The following ERVV-2 variants were observed in gnomAD, a reference collection of about 807,000 sequenced individuals.
ERVV-2 encodes the protein endogenous retrovirus group V member 2, envelope.
For missense variants in ERVV-2, 291 were observed against 495.1 expected (o/e 0.59, Z 3.91); for synonymous variants, 105 against 184.6 (o/e 0.57, Z 3.49).
At chr19:53,048,576 T>C (rs2083899436) in intron 1 of ERVV-2, among the ~76,000 whole-genome samples, 1 of 142,820 alleles carries the variant, frequency 7.0e-6, no homozygotes, top group Non-Finnish European at 1.5e-5. Context: ...TCGGGAGGCT[T>C]AGGCAGGTGA....
At position 53,050,907 on chromosome 19, in the gene ERVV-2, G is replaced by C; in HGVS notation, c.*48G>C. Reference sequence around the variant, plus strand: ...CTGATGACTTCTTCGCCCCATGTCAGCAGGAAGTAGTTACAGAAGACCCAC... The same window carrying C: ...CTGATGACTTCTTCGCCCCATGTCACCAGGAAGTAGTTACAGAAGACCCAC... On this transcript the variant is annotated 3_prime_UTR_variant, in exon 2 of 2. Coordinates refer to ENST00000601417, the MANE Select transcript of ERVV-2 (RefSeq NM_001191055.2). The C allele has an allele frequency of 6.9e-7, 1 of 1,449,150 alleles. No individual in the cohort carries two copies. The highest frequency in any genetic ancestry group is 9.1e-7 in the Non-Finnish European group (1 of 1,103,738). 89.8% of individuals were successfully genotyped at this position (1,449,150 alleles called of 1,614,324 possible).
intron 1 of ERVV-2, 44 bp from the exon 2 acceptor site, chr19:53,048,823 C>G (rs563522999): frequency 5.0e-4 from 149 of 298,958 alleles, no homozygotes; most frequent in Middle Eastern, 1.2e-3. Context: ...TCTCAACTCC[C>G]TTATGGAAAG....
At position 53,051,573 on chromosome 19, in the gene ERVV-2, T is replaced by C. The variant is rs1408984445; in HGVS notation, c.*714T>C. On this transcript the variant is annotated 3_prime_UTR_variant, in exon 2 of 2. Transcript: ENST00000601417. ...GCCCGCCCTGTTCTGTCTTTCTGGGTGTACTGTTTTGATGACTTTAAAAGC... is the reference window on the plus strand; with the variant it reads ...GCCCGCCCTGTTCTGTCTTTCTGGGCGTACTGTTTTGATGACTTTAAAAGC... 6.6e-6 allele frequency among the ~76,000 whole-genome samples: 1 copy of C among 152,118 alleles called. No individual in the cohort carries two copies. The highest frequency in any genetic ancestry group is 1.5e-5 in the Non-Finnish European group (1 of 68,024).
intron 1 of ERVV-2, among the ~76,000 whole-genome samples, chr19:53,048,378 A>G (rs2145386583): frequency 6.6e-6 from 1 of 151,380 alleles, no homozygotes; most frequent in Middle Eastern, 3.4e-3. Flanking sequence ...TACATCTCAA[A>G]AAAACAAACA....
Position 53,050,166 on chromosome 19 carries a change from G to C in ERVV-2, c.915G>C (p.Gly305=), listed in dbSNP as rs575347898. The C allele has an allele frequency of 4.4e-5, 63 of 1,432,682 alleles. No homozygotes were observed. The African/African-American group carries it at 7.7e-4, about 18-fold the overall frequency. 88.7% of individuals were successfully genotyped at this position (1,432,682 alleles called of 1,614,324 possible). The part of the protein sequence containing the change: ...ECAVGLLGPR[G]IGVTIYNTTQ... ...CTGTGGGACTTTTGGGACCACGGGG[G>C]ATAGGTGTGACCATTTATAACACCA... The change falls in exon 2 of 2, where the codon GGG becomes GGC. Residue 305 remains glycine (G), a synonymous_variant. Coordinates refer to ENST00000601417, the MANE Select transcript of ERVV-2 (RefSeq NM_001191055.2).
intron 1 of ERVV-2, among the ~76,000 whole-genome samples, chr19:53,046,376 C>T (rs1377551675): frequency 2.0e-5 from 3 of 152,188 alleles, no homozygotes; most frequent in Non-Finnish European, 4.4e-5. Flanking sequence ...CTGGCTCTTC[C>T]AGAGGGTCAC....
At position 53,050,268 on chromosome 19, in the gene ERVV-2, G is replaced by A. The variant is rs1428776743; in HGVS notation, c.1017G>A (p.Trp339Ter). 3 of 783,192 alleles carry A rather than the reference G, an allele frequency of 3.8e-6. No individual in the cohort carries two copies. The highest frequency in any genetic ancestry group is 6.5e-6 in the Non-Finnish European group (3 of 462,046). The allele number at this position is 783,192 out of a possible 1,614,324, so 48.5% of individuals were successfully genotyped here. A position where few individuals can be genotyped will look rare whatever the true frequency, so the allele number is the denominator to read the frequency against. ...MGAAIGMIAP[W>*]GGFTYHDVTL... ...CGGCCATAGGAATGATCGCCCCATG[G>A]GGAGGGTTCACTTATCATGATGTCA... The change falls in exon 2 of 2, where the codon TGG becomes TGA. Residue 339 changes from tryptophan (W) to a stop codon, truncating the protein, a stop_gained. Coordinates refer to ENST00000601417, the MANE Select transcript of ERVV-2 (RefSeq NM_001191055.2). LOFTEE classifies it low-confidence loss of function (END_TRUNC).
At position 53,051,136 on chromosome 19, in the gene ERVV-2, C is replaced by CTTTTTTTTTTTTTTTT. The variant is rs57887970; in HGVS notation, c.*290_*305dup. The CTTTTTTTTTTTTTTTT allele has an allele frequency of 5.0e-4, 55 of 110,012 alleles. 3 individuals are homozygous for CTTTTTTTTTTTTTTTT. Among genetic ancestry groups the CTTTTTTTTTTTTTTTT allele is most frequent in the African/African-American group, 2.4e-3 (50 of 21,158 alleles). The allele number at this position is 110,012 out of a possible 1,614,324, so 6.8% of individuals were successfully genotyped here. A position where few individuals can be genotyped will look rare whatever the true frequency, so the allele number is the denominator to read the frequency against. On this transcript the variant is annotated 3_prime_UTR_variant, in exon 2 of 2. Coordinates refer to ENST00000601417, the MANE Select transcript of ERVV-2 (RefSeq NM_001191055.2). ...TAACCCATCCTAGAACAGCCTTTTG[C>CTTTTTTTTTTTTTTTT]TTTTTTTTTTTTTTTTTTTTTTTTT...
rs1243108141 is a variant in ERVV-2 at position 53,051,621 on chromosome 19, G to A, written c.*762G>A. Among the ~76,000 whole-genome samples the A allele has an allele frequency of 3.9e-5, 6 of 152,140 alleles. No individual in the cohort carries two copies. The East Asian group carries it at 5.8e-4, about 15-fold the overall frequency. On this transcript the variant is annotated 3_prime_UTR_variant, in exon 2 of 2. Coordinates refer to ENST00000601417, the MANE Select transcript of ERVV-2 (RefSeq NM_001191055.2). Reference sequence around the variant, plus strand: ...AGCTCCCATAAAAACTAAGGCACTAGCAGCTGGCTCATTCTTCTGATGTCC... The same window carrying A: ...AGCTCCCATAAAAACTAAGGCACTAACAGCTGGCTCATTCTTCTGATGTCC...
intron 1 of ERVV-2, among the ~76,000 whole-genome samples, 184 bp downstream of exon 1, chr19:53,045,142 C>T (rs1190196993): frequency 1.3e-5 from 2 of 152,212 alleles, no homozygotes; most frequent in African/African-American, 2.4e-5. Context: ...TCTGCTCCCT[C>T]TGGCTGATTT....
chr19:53,048,552 G>A (rs8108119), intron 1 of ERVV-2, among the ~76,000 whole-genome samples: 51,080 of 149,756 alleles, frequency 0.34, 7,142 homozygotes, highest in Middle Eastern at 0.44. Context: ...GTACATGCCT[G>A]TAATCCCAGC....
At position 53,049,032 on chromosome 19, in the gene ERVV-2, T is replaced by A; in HGVS notation, c.-220T>A. On this transcript the variant is annotated 5_prime_UTR_variant, in exon 2 of 2. Transcript: ENST00000601417. The stretch of plus-strand genomic sequence containing the variant: ...TCAAGTGAAAAGATAAGTAAAGCCT[T>A]CTCTCTGTTCACCCAAAACTAAAGT... 1.5e-6 allele frequency: 1 copy of A among 664,678 alleles called. No homozygotes were observed. Among genetic ancestry groups the A allele is most frequent in the Non-Finnish European group, 2.5e-6 (1 of 397,338 alleles). 41.2% of individuals were successfully genotyped at this position (664,678 alleles called of 1,614,324 possible).
At chr19:53,048,141 G>A (rs767096266) in intron 1 of ERVV-2, among the ~76,000 whole-genome samples, 10 of 152,222 alleles carry the variant, frequency 6.6e-5, no homozygotes, top group Admixed American at 1.3e-4. Context: ...GTAACCAGGT[G>A]GCCAGGTGAC....
At chr19:53,046,395 A>G (rs1445850292) in intron 1 of ERVV-2, among the ~76,000 whole-genome samples, 1 of 152,164 alleles carries the variant, frequency 6.6e-6, no homozygotes, top group African/African-American at 2.4e-5. Flanking sequence ...ACCTGTGACC[A>G]CTTCCTTACT....
rs1449197998 is a variant in ERVV-2, at chr19:53,050,997, C to T, written c.*138C>T. ...TTGAGGAGGGAAATATTAGGGTAGG[C>T]AGGTAGGCAGGCATGAGCAGGCAAG... On this transcript the variant is annotated 3_prime_UTR_variant, in exon 2 of 2. Coordinates refer to ENST00000601417, the MANE Select transcript of ERVV-2 (RefSeq NM_001191055.2). 1 of 765,290 alleles carries T rather than the reference C, an allele frequency of 1.3e-6. No individual in the cohort carries two copies. Among genetic ancestry groups the T allele is most frequent in the East Asian group, 2.8e-5 (1 of 36,182 alleles). The allele number at this position is 765,290 out of a possible 1,614,324, so 47.4% of individuals were successfully genotyped here.
In ERVV-2 at chr19:53,049,108, A is replaced by C; in HGVS notation, c.-144A>C. ...TGCGGTGGCATTGGTTCTTCTCCTT[A>C]TTTTGACCCAACTGGCATGCCACCT... On this transcript the variant is annotated 5_prime_UTR_variant, in exon 2 of 2. Transcript: ENST00000601417. The C allele has an allele frequency of 1.2e-6, 1 of 821,388 alleles. No homozygotes were observed. The highest frequency in any genetic ancestry group is 1.8e-6 in the Non-Finnish European group (1 of 546,474). 50.9% of individuals were successfully genotyped at this position (821,388 alleles called of 1,614,324 possible). A position where few individuals can be genotyped will look rare whatever the true frequency, so the allele number is the denominator to read the frequency against.
At chr19:53,045,361 G>A (rs543952388) in intron 1 of ERVV-2, among the ~76,000 whole-genome samples, 1 of 152,172 alleles carries the variant, frequency 6.6e-6, no homozygotes, top group African/African-American at 2.4e-5. Context: ...GGAGCGCAGT[G>A]GTGTGATCTC....
chr19:53,050,403 C>A lies in ERVV-2; in HGVS notation c.1152C>A (p.Asn384Lys). 1.3e-6 allele frequency: 1 copy of A among 763,462 alleles called. No individual in the cohort carries two copies. The highest frequency in any genetic ancestry group is 2.3e-6 in the Non-Finnish European group (1 of 440,346). The allele number at this position is 763,462 out of a possible 1,614,324, so 47.3% of individuals were successfully genotyped here. A position where few individuals can be genotyped will look rare whatever the true frequency, so the allele number is the denominator to read the frequency against. Residue 384 changes from asparagine to lysine, a missense_variant, in exon 2 of 2, where the codon AAC becomes AAA. Physicochemically the swap from Asn to Lys is moderately conservative, Grantham distance 94. Transcript: ENST00000601417. ...IDSLANVVMDNRLALDYLLAE... is the reference protein window; with the variant it reads ...IDSLANVVMDKRLALDYLLAE... ...CTCTAGCAAATGTAGTCATGGACAA[C>A]AGATTGGCCTTAGATTACCTCTTAG...
chr19:53,050,112 T>C lies in ERVV-2; in HGVS notation c.861T>C (p.Ile287=). 1 of 1,478,376 alleles carries C rather than the reference T, an allele frequency of 6.8e-7. No individual in the cohort carries two copies. Among genetic ancestry groups the C allele is most frequent in the Non-Finnish European group, 9.1e-7 (1 of 1,103,944 alleles). 91.6% of individuals were successfully genotyped at this position (1,478,376 alleles called of 1,614,324 possible). Residue 287 remains isoleucine, a synonymous_variant, in exon 2 of 2, where the codon ATT becomes ATC. Transcript: ENST00000601417. ...TPPVANLYTC[I]NNIQHTGECA... ...CTGTGGCAAACCTCTACACTTGCATTAATAACATCCAACATACGGGAGAAT... is the reference window on the plus strand; with the variant it reads ...CTGTGGCAAACCTCTACACTTGCATCAATAACATCCAACATACGGGAGAAT...
Sources: gnomAD v4.1 joint callset for allele counts (sites outside exome capture counted in the v4.1 genomes callset) on GRCh38, gnomAD v4.1.1 for gene constraint, MANE v1.5 for transcripts, NCBI Gene and HGNC (gene_info 2026-07-23, HGNC 2026-07-21) for gene names.